The following LRP1B variants were observed in gnomAD, a reference collection of about 807,000 sequenced individuals.
The protein encoded by LRP1B is low-density lipoprotein receptor-related protein 1B.
A neutral mutation model predicts 556.6 loss-of-function variants in LRP1B; 217 were observed. That is an observed-to-expected ratio of 0.39 (90% CI 0.35 to 0.44). The LOEUF is 0.44. Among genes scored for constraint, LRP1B ranks in the 20% least tolerant of loss-of-function variants. The pLI, the probability that LRP1B is intolerant of heterozygous loss-of-function variation, is 1.00. For synonymous variants in LRP1B, 2,047 were observed against 1,865.8 expected (o/e 1.10, Z -2.50); for missense variants, 5,053 against 5,620.8 (o/e 0.90, Z 3.23).
chr2:141,643,118 C>T (rs773549174), intron 2 of LRP1B, among the ~76,000 whole-genome samples: 22 of 152,154 alleles, frequency 1.4e-4, no homozygotes, highest in Non-Finnish European at 2.4e-4. Context: ...TATTAATTCG[C>T]TAAGCAAAAG....
intron 3 of LRP1B, among the ~76,000 whole-genome samples, chr2:141,329,655 A>C (rs201107625): frequency 2.2e-5 from 3 of 138,122 alleles, no homozygotes; most frequent in African/African-American, 2.8e-5. Flanking sequence ...AAAAAAAAAA[A>C]AAAAAAAAAA....
rs1279662531 is a variant in LRP1B at position 140,868,224 on chromosome 2, G to C, written c.4209C>G (p.Arg1403=). ...CACCACTCATAGAGGCAGATTCAAT[G>C]CGAGGAAAATTTGCATCCCAGTCTG... ...FWTDWDANFP[R]IESASMSGAG... is the part of the protein sequence containing the mutation. Residue 1403 remains arginine, a synonymous_variant, in exon 26 of 91, where the codon CGC becomes CGG. Transcript: ENST00000389484. 3.8e-6 allele frequency: 6 copies of C among 1,594,666 alleles called. No homozygotes were observed. Among genetic ancestry groups the C allele is most frequent in the African/African-American group, 1.4e-5 (1 of 72,306 alleles).
At chr2:140,850,366 T>C (rs768006024) in intron 28 of LRP1B, 37 bp from the exon 29 acceptor site, 5 of 1,307,790 alleles carry the variant, frequency 3.8e-6, no homozygotes, top group Admixed American at 2.1e-5. Context: ...TCTTATGAAG[T>C]TGGCAAGCTT....
intron 66 of LRP1B, among the ~76,000 whole-genome samples, chr2:140,407,459 A>G (rs34218235): frequency 0.14 from 20,578 of 152,146 alleles, 1,498 homozygotes; most frequent in African/African-American, 0.19. Context: ...CAGAATGTAC[A>G]AGGAACTCAA....
chr2:142,025,936 A>C (rs965943063), intron 1 of LRP1B, among the ~76,000 whole-genome samples: 1 of 152,090 alleles, frequency 6.6e-6, no homozygotes, highest in Non-Finnish European at 1.5e-5. Flanking sequence ...ATCTTCCATA[A>C]ATTTTCACTC....
intron 20 of LRP1B, among the ~76,000 whole-genome samples, chr2:140,935,197 T>C (rs971357491): frequency 2.6e-4 from 40 of 152,036 alleles, no homozygotes; most frequent in Non-Finnish European, 8.8e-5. Context: ...CTGACAGAGA[T>C]CTAATGGTAG....
At chr2:140,479,941 G>A (rs933125251) in intron 59 of LRP1B, among the ~76,000 whole-genome samples, 1 of 152,118 alleles carries the variant, frequency 6.6e-6, no homozygotes, top group Admixed American at 6.5e-5. Context: ...ACGTACCAAT[G>A]TATTGGTTTG....
intron 2 of LRP1B, among the ~76,000 whole-genome samples, chr2:141,576,716 T>C (rs773812485): frequency 6.9e-5 from 10 of 145,168 alleles, no homozygotes; most frequent in Non-Finnish European, 1.2e-4. Context: ...ATCCTGCTAC[T>C]GCATGCCAGC....
intron 6 of LRP1B, among the ~76,000 whole-genome samples, chr2:141,208,932 C>G (rs1682417733): frequency 7.4e-6 from 1 of 134,230 alleles, no homozygotes; most frequent in African/African-American, 2.8e-5. Context: ...ATGGGAGAAT[C>G]CAATCTGAAG....
At chr2:141,332,691 G>GTT (rs1687698779) in intron 3 of LRP1B, among the ~76,000 whole-genome samples, 1 of 144,688 alleles carries the variant, frequency 6.9e-6, no homozygotes, top group Admixed American at 6.9e-5. Flanking sequence ...TCAGGTCACG[G>GTT]TGGCCTTTTT....
At chr2:140,735,946 A>C (rs965851403) in intron 35 of LRP1B, among the ~76,000 whole-genome samples, 5 of 152,146 alleles carry the variant, frequency 3.3e-5, no homozygotes, top group Admixed American at 6.5e-5. Flanking sequence ...GTGGGCTAGA[A>C]TATAAGACTG....
Position 141,534,521 on chromosome 2 carries a change from C to T in LRP1B, c.206-53988G>A, listed in dbSNP as rs1026924189. ...TCTCTTGTCGTGAGTGTATTAATTC[C>T]AAACTCTAAGACAACCTACATCATC... On this transcript the variant is annotated intron_variant, in intron 2 of 90. Transcript: ENST00000389484. Among the ~76,000 whole-genome samples, 7 of 151,986 alleles carry T rather than the reference C, an allele frequency of 4.6e-5. No homozygotes were observed. The East Asian group carries it at 1.2e-3, about 25-fold the overall frequency.
chr2:141,799,038 C>T (rs775376024), intron 2 of LRP1B, among the ~76,000 whole-genome samples: 4 of 151,930 alleles, frequency 2.6e-5, no homozygotes, highest in Non-Finnish European at 5.9e-5. Context: ...CCAACCCTAC[C>T]GAGACCTTGA....
At chr2:141,373,000 T>C (rs554944078) in intron 3 of LRP1B, among the ~76,000 whole-genome samples, 175 of 152,214 alleles carry the variant, frequency 1.1e-3, no homozygotes, top group African/African-American at 3.8e-3. Flanking sequence ...TGTATGCATT[T>C]ATTGCTATAA....
intron 1 of LRP1B, among the ~76,000 whole-genome samples, chr2:142,044,625 AT>A (rs1010565804): frequency 2.4e-3 from 360 of 151,194 alleles, no homozygotes; most frequent in African/African-American, 8.2e-3. Context: ...TAAAAAGCAA[AT>A]TTTTTTTTGT....
At chr2:140,950,125 C>G (rs1980343) in intron 20 of LRP1B, 110 bp downstream of exon 20, 2 of 746,008 alleles carry the variant, frequency 2.7e-6, no homozygotes, top group Non-Finnish European at 4.1e-6. Context: ...CATGTATATT[C>G]TTGCCTAATA....
At chr2:141,415,206 G>C (rs187422652) in intron 3 of LRP1B, among the ~76,000 whole-genome samples, 2 of 152,118 alleles carry the variant, frequency 1.3e-5, no homozygotes, top group African/African-American at 4.8e-5. Flanking sequence ...GTAGAGACGG[G>C]GTTTCACCGT....
chr2:141,941,133 C>T (rs941029284), intron 1 of LRP1B, among the ~76,000 whole-genome samples: 5 of 152,134 alleles, frequency 3.3e-5, no homozygotes, highest in South Asian at 4.1e-4. Context: ...AGCTTCTATT[C>T]TAGTTAAGCA....
chr2:141,176,692 A>T (rs888208919), intron 7 of LRP1B, among the ~76,000 whole-genome samples: 10 of 151,968 alleles, frequency 6.6e-5, no homozygotes, highest in African/African-American at 2.4e-4. Context: ...CTTTTAATAG[A>T]TGATTTGGAT....
Sources: allele counts gnomAD v4.1 joint callset (sites outside exome capture counted in the v4.1 genomes callset), GRCh38; gene constraint gnomAD v4.1.1; transcripts MANE v1.5; gene names NCBI Gene and HGNC (gene_info 2026-07-23, HGNC 2026-07-21).